TMEM53: variants seen among roughly 807,000 people sequenced by gnomAD.
TMEM53 encodes transmembrane protein 53.
A neutral mutation model predicts 21.4 loss-of-function variants in TMEM53; 14 were observed. That is an observed-to-expected ratio of 0.65 (90% CI 0.43 to 1.02). The LOEUF (loss-of-function observed/expected upper bound fraction) is 1.02, where lower values mean the gene tolerates loss of function less well. TMEM53 is among the 50% of genes least tolerant of loss of function. The pLI is 0.00. For synonymous variants in TMEM53, 148 were observed against 157.4 expected, an observed-to-expected ratio of 0.94 and a Z score of 0.45; for missense variants, 323 against 383.6, an observed-to-expected ratio of 0.84 and a Z score of 1.32.
At chr1:44,660,724 C>A (rs1644893607) in intron 1 of TMEM53, among the ~76,000 whole-genome samples, 1 of 151,974 alleles carries the variant, frequency 6.6e-6, no homozygotes, top group Non-Finnish European at 1.5e-5. Context: ...GTGGCTCACG[C>A]CTGTAATCCC....
In TMEM53 at chr1:44,654,327, G is replaced by A. The variant is rs1218142071; in HGVS notation, c.*232C>T. The A allele has an allele frequency of 1.3e-5, 7 of 537,702 alleles. No homozygotes were observed. The highest frequency in any genetic ancestry group is 2.0e-5 in the Non-Finnish European group (6 of 302,748). 33.3% of individuals were successfully genotyped at this position (537,702 alleles called of 1,614,324 possible). ...TTGTCCAAACACAACTGACTGCAAG[G>A]CTCCCACAGACACATGCCCAGGCAC... On this transcript the variant is annotated 3_prime_UTR_variant, in exon 3 of 3. Coordinates refer to ENST00000372237, the MANE Select transcript of TMEM53 (RefSeq NM_024587.4). This position sits in a 1 kb window ranked among gnomAD's most constrained non-coding sequence, Gnocchi z 7.0.
chr1:44,654,331 C>T lies in TMEM53; in HGVS notation c.*228G>A. The T allele has an allele frequency of 7.2e-6, 4 of 553,374 alleles. No individual in the cohort carries two copies. The allele number at this position is 553,374 out of a possible 1,614,324, so 34.3% of individuals were successfully genotyped here. On this transcript the variant is annotated 3_prime_UTR_variant, in exon 3 of 3. Transcript: ENST00000372237. This position sits in a 1 kb window ranked among gnomAD's most constrained non-coding sequence, Gnocchi z 7.0. ...CCAAACACAACTGACTGCAAGGCTC[C>T]CACAGACACATGCCCAGGCACTCCT...
chr1:44,666,341 A>G (rs944062006), intron 1 of TMEM53, among the ~76,000 whole-genome samples: 4 of 152,232 alleles, frequency 2.6e-5, no homozygotes, highest in Non-Finnish European at 4.4e-5. Flanking sequence ...AATTAAATGT[A>G]GAGTTACCAC....
At chr1:44,673,824 C>G (rs1466932380) in intron 1 of TMEM53, 1 of 983,436 alleles carries the variant, frequency 1.0e-6, no homozygotes, top group Non-Finnish European at 1.2e-6. Flanking sequence ...TTCTACCCGA[C>G]GGCAGAGACT....
chr1:44,670,545 A>T (rs1026572284), intron 1 of TMEM53, among the ~76,000 whole-genome samples: 1 of 151,458 alleles, frequency 6.6e-6, no homozygotes, highest in Non-Finnish European at 1.5e-5. Context: ...GGGCTGCTCT[A>T]CTCTAGGAAG....
intron 1 of TMEM53, among the ~76,000 whole-genome samples, chr1:44,667,688 T>G (rs146970036): frequency 6.6e-6 from 1 of 152,180 alleles, no homozygotes; most frequent in Non-Finnish European, 1.5e-5. Context: ...AATTTCTTTT[T>G]CATGATTTTT....
At chr1:44,664,366 G>T (rs1053562610) in intron 1 of TMEM53, among the ~76,000 whole-genome samples, 1 of 151,196 alleles carries the variant, frequency 6.6e-6, no homozygotes, top group Non-Finnish European at 1.5e-5. Flanking sequence ...CAGGAGAATC[G>T]CTTGAACCTG....
intron 1 of TMEM53, chr1:44,674,050 C>A: frequency 1.0e-6 from 1 of 985,434 alleles, no homozygotes; most frequent in Non-Finnish European, 1.2e-6. Context: ...GATTAAAGGG[C>A]ATGGACCTGA....
At chr1:44,665,917 CAAAAAAAGTG>C (rs567292860) in intron 1 of TMEM53, among the ~76,000 whole-genome samples, 116 of 151,330 alleles carry the variant, frequency 7.7e-4, no homozygotes, top group African/African-American at 2.7e-3. Context: ...GGACATAATC[CAAAAAAAGTG>C]AAAAAAAGAA....
rs887986136 is a variant in TMEM53, at chr1:44,655,713, C to T, written c.184-504G>A. Among the ~76,000 whole-genome samples the T allele has an allele frequency of 2.0e-5, 3 of 152,092 alleles. No individual in the cohort carries two copies. The highest frequency in any genetic ancestry group is 4.8e-5 in the African/African-American group (2 of 41,408). On this transcript the variant is annotated intron_variant, in intron 2 of 2. Coordinates refer to ENST00000372237, the MANE Select transcript of TMEM53 (RefSeq NM_024587.4). The surrounding 1 kb of genome is among the most constrained non-coding windows in gnomAD (Gnocchi z 4.4). The stretch of plus-strand genomic sequence containing the variant: ...CAGTACCCGAGAGCTGGCCTGCAGG[C>T]GCCAGCCCTGACCACCAGAGGCCAC...
At position 44,656,960 on chromosome 1, in the gene TMEM53, C is replaced by T. The variant is rs150283358; in HGVS notation, c.184-1751G>A. Among the ~76,000 whole-genome samples the T allele has an allele frequency of 3.1e-3, 470 of 151,560 alleles. 3 individuals are homozygous for T. Among genetic ancestry groups the T allele is most frequent in the African/African-American group, 0.01 (434 of 41,344 alleles). On this transcript the variant is annotated intron_variant, in intron 2 of 2. Transcript: ENST00000372237. ...CCAGGAGGCAGAGGTTGCAGTGAGC[C>T]GGGATCACGCCATTGCACTCCAGCC...
At chr1:44,663,574 C>T (rs989493550) in intron 1 of TMEM53, among the ~76,000 whole-genome samples, 1 of 152,168 alleles carries the variant, frequency 6.6e-6, no homozygotes, top group Non-Finnish European at 1.5e-5. Flanking sequence ...TATTCATTGC[C>T]ACATCAGGAT....
intron 1 of TMEM53, among the ~76,000 whole-genome samples, chr1:44,665,215 T>C (rs1262023919): frequency 1.3e-5 from 2 of 152,054 alleles, no homozygotes; most frequent in South Asian, 2.1e-4. Flanking sequence ...AGGAGGCTAC[T>C]GTAAAATTCA....
intron 1 of TMEM53, among the ~76,000 whole-genome samples, chr1:44,668,218 G>A (rs1188701508): frequency 3.3e-5 from 5 of 152,016 alleles, no homozygotes; most frequent in Admixed American, 1.3e-4. Context: ...CGAGGTGGGC[G>A]GATCATGAGG....
chr1:44,670,996 A>G (rs563516265), intron 1 of TMEM53, among the ~76,000 whole-genome samples: 5 of 152,342 alleles, frequency 3.3e-5, no homozygotes, highest in African/African-American at 7.2e-5. Context: ...GCTTGGGCCT[A>G]CAGTGCTGCC....
chr1:44,674,459 CGGGCGCCTCCT>C lies in TMEM53; in HGVS notation c.-79_-69del. On this transcript the variant is annotated 5_prime_UTR_variant, in exon 1 of 3. Coordinates refer to ENST00000372237, the MANE Select transcript of TMEM53 (RefSeq NM_024587.4). ...CCCGCTTGCGCACCCGTGCCTCACC[CGGGCGCCTCCT>C]GGGCGCCGCCCAATCACCACACACC... The C allele has an allele frequency of 1.3e-6, 2 of 1,519,908 alleles. No homozygotes were observed. Among genetic ancestry groups the C allele is most frequent in the Non-Finnish European group, 1.8e-6 (2 of 1,124,722 alleles). 94.2% of individuals were successfully genotyped at this position (1,519,908 alleles called of 1,614,324 possible). A position where few individuals can be genotyped will look rare whatever the true frequency, so the allele number is the denominator to read the frequency against.
intron 1 of TMEM53, among the ~76,000 whole-genome samples, chr1:44,673,216 CG>C: frequency 6.6e-6 from 1 of 152,180 alleles, no homozygotes. Flanking sequence ...ATCTGTTCTG[CG>C]GGAGTCTAAG....
chr1:44,657,692 C>T (rs1205689537), intron 2 of TMEM53, among the ~76,000 whole-genome samples: 1 of 151,888 alleles, frequency 6.6e-6, no homozygotes, highest in Non-Finnish European at 1.5e-5. Context: ...CACGCACCAC[C>T]GTGCCTGGCT....
chr1:44,661,200 C>T (rs1644899139), intron 1 of TMEM53, among the ~76,000 whole-genome samples: 1 of 152,038 alleles, frequency 6.6e-6, no homozygotes, highest in Non-Finnish European at 1.5e-5. Flanking sequence ...AAAAGTTTGC[C>T]AGCCCCTGTT....
Sources: allele counts gnomAD v4.1 joint callset (sites outside exome capture counted in the v4.1 genomes callset), GRCh38; gene constraint gnomAD v4.1.1; non-coding constraint Gnocchi (gnomAD v3.1); transcripts MANE v1.5; gene names NCBI Gene and HGNC (gene_info 2026-07-23, HGNC 2026-07-21).